CHD9: variants seen among roughly 807,000 people sequenced by gnomAD.
CHD9 encodes ATP-dependent chromatin remodeler CHD9.
In CHD9, 77 loss-of-function variants were observed where a neutral mutation model predicts 316.1. The ratio of observed to expected loss-of-function variants is 0.24; its 90% CI spans 0.20 to 0.29. CHD9 has a LOEUF of 0.29. Among genes scored for constraint, CHD9 ranks in the 10% least tolerant of loss-of-function variants. The pLI is 1.00. For synonymous variants in CHD9, 1,129 were observed against 1,158.3 expected (o/e 0.97, Z 0.51); for missense variants, 2,763 against 3,438.1 (o/e 0.80, Z 4.91).
At chr16:53,167,949 CT>C (rs924723083) in intron 2 of CHD9, among the ~76,000 whole-genome samples, 4 of 151,994 alleles carry the variant, frequency 2.6e-5, no homozygotes, top group Admixed American at 6.5e-5. Context: ...ATTTTTCCCC[CT>C]AATTACATTA....
intron 24 of CHD9, among the ~76,000 whole-genome samples, chr16:53,280,667 A>G (rs867983326): frequency 2.0e-5 from 3 of 151,612 alleles, no homozygotes; most frequent in Non-Finnish European, 4.4e-5. Context: ...CCAAAAACCT[A>G]TGGAAATACA....
At chr16:53,269,283 A>T (rs1404611368) in intron 22 of CHD9, among the ~76,000 whole-genome samples, 2 of 152,194 alleles carry the variant, frequency 1.3e-5, no homozygotes, top group Non-Finnish European at 2.9e-5. Context: ...AAATAAAAAG[A>T]ATTACTATGC....
chr16:53,185,677 G>A (rs2043933732), intron 2 of CHD9, among the ~76,000 whole-genome samples: 1 of 152,202 alleles, frequency 6.6e-6, no homozygotes, highest in Non-Finnish European at 1.5e-5. Context: ...GAACTAGGAG[G>A]GAAAAATGTT....
intron 1 of CHD9, among the ~76,000 whole-genome samples, chr16:53,091,765 T>C (rs2035963043): frequency 6.6e-6 from 1 of 152,204 alleles, no homozygotes; most frequent in Non-Finnish European, 1.5e-5. Flanking sequence ...AGGACTGTTT[T>C]CTGAACTCCA....
At chr16:53,151,616 A>G (rs560580794) in intron 1 of CHD9, among the ~76,000 whole-genome samples, 2 of 152,086 alleles carry the variant, frequency 1.3e-5, no homozygotes, top group South Asian at 2.1e-4. Context: ...CAATTCTTCT[A>G]TCTTCAAGTC....
chr16:53,170,326 A>G (rs187988287), intron 2 of CHD9, among the ~76,000 whole-genome samples: 7 of 152,326 alleles, frequency 4.6e-5, no homozygotes, highest in African/African-American at 1.7e-4. Flanking sequence ...TGTTATAAAA[A>G]TTAATGTGTT....
intron 37 of CHD9, among the ~76,000 whole-genome samples, chr16:53,320,256 C>T (rs1235066786): frequency 6.6e-6 from 1 of 150,828 alleles, no homozygotes; most frequent in African/African-American, 2.4e-5. Flanking sequence ...GTGCAGTGCT[C>T]AGGCCTGTAA....
intron 2 of CHD9, among the ~76,000 whole-genome samples, chr16:53,161,382 G>A (rs1329227683): frequency 3.3e-5 from 5 of 152,086 alleles, no homozygotes; most frequent in African/African-American, 1.2e-4. Context: ...GTATAGTTAT[G>A]GTACTACATA....
chr16:53,298,473 C>A (rs1005328061), intron 30 of CHD9: 1 of 152,850 alleles, frequency 6.5e-6, no homozygotes, highest in East Asian at 1.9e-4. Flanking sequence ...CATAGGGAGA[C>A]CCCATCTCTA....
chr16:53,149,683 G>T, intron 1 of CHD9, among the ~76,000 whole-genome samples: 1 of 148,034 alleles, frequency 6.8e-6, no homozygotes, highest in Non-Finnish European at 1.5e-5. Flanking sequence ...CAGTTAGCTA[G>T]GACTATAGGT....
At chr16:53,314,662 T>C in intron 35 of CHD9, 146 bp downstream of exon 35, 1 of 987,570 alleles carries the variant, frequency 1.0e-6, no homozygotes, top group Non-Finnish European at 1.5e-6. Context: ...TATCTTAGAA[T>C]CTTAGCACTG....
chr16:53,082,233 T>C (rs2035091864), intron 1 of CHD9, among the ~76,000 whole-genome samples: 1 of 151,366 alleles, frequency 6.6e-6, no homozygotes, highest in South Asian at 2.1e-4. Context: ...TATTTATTTA[T>C]TTATTTATTT....
intron 2 of CHD9, among the ~76,000 whole-genome samples, chr16:53,203,692 TTA>T (rs1367891001): frequency 6.6e-6 from 1 of 152,106 alleles, no homozygotes; most frequent in Non-Finnish European, 1.5e-5. Flanking sequence ...TACTAAGGAA[TTA>T]TATCTGGGAC....
chr16:53,292,376 T>G (rs1000725593), intron 28 of CHD9, among the ~76,000 whole-genome samples: 1 of 152,232 alleles, frequency 6.6e-6, no homozygotes, highest in Non-Finnish European at 1.5e-5. Flanking sequence ...TGGATAAAAC[T>G]TAAAAGTTAC....
At chr16:53,176,157 G>A (rs1022194111) in intron 2 of CHD9, among the ~76,000 whole-genome samples, 7 of 152,192 alleles carry the variant, frequency 4.6e-5, no homozygotes, top group Admixed American at 6.5e-5. Flanking sequence ...TGTCAATAGG[G>A]TTGCAGTCCT....
intron 37 of CHD9, 35 bp downstream of exon 37, chr16:53,318,375 G>C: frequency 6.6e-7 from 1 of 1,514,178 alleles, no homozygotes; most frequent in Non-Finnish European, 9.0e-7. Context: ...CTTTTGTATT[G>C]ATTCAATATT....
chr16:53,281,057 C>G (rs527839309), intron 24 of CHD9, among the ~76,000 whole-genome samples: 1 of 152,276 alleles, frequency 6.6e-6, no homozygotes, highest in East Asian at 1.9e-4. Context: ...TGACCAAGAG[C>G]TCCGTCCTCA....
intron 2 of CHD9, among the ~76,000 whole-genome samples, chr16:53,182,527 A>C (rs1304999369): frequency 6.6e-6 from 1 of 152,210 alleles, no homozygotes. Context: ...CTGGAAAAAG[A>C]GTATGATAAG....
chr16:53,132,672 C>G (rs1180591275), intron 1 of CHD9, among the ~76,000 whole-genome samples: 1 of 151,986 alleles, frequency 6.6e-6, no homozygotes, highest in African/African-American at 2.4e-5. Context: ...GTTGTAACAA[C>G]AGGCCACATG....
Sources: gnomAD v4.1 joint callset for allele counts (sites outside exome capture counted in the v4.1 genomes callset) on GRCh38, gnomAD v4.1.1 for gene constraint, MANE v1.5 for transcripts, NCBI Gene and HGNC (gene_info 2026-07-23, HGNC 2026-07-21) for gene names.